The following GEMIN4 variants were observed in gnomAD, a reference collection of about 807,000 sequenced individuals.
The protein encoded by GEMIN4 is gem-associated protein 4.
A neutral mutation model predicts 76.8 loss-of-function variants in GEMIN4; 59 were observed. That is an observed-to-expected ratio of 0.77 (90% CI 0.62 to 0.95). GEMIN4 has a LOEUF of 0.95. GEMIN4 is among the 40% of genes least tolerant of loss of function. The probability of loss-of-function intolerance (pLI) is 0.00; values close to 1 mark genes in which losing one functional copy is unlikely to be tolerated. For missense variants in GEMIN4, 1,311 were observed against 1,318.9 expected, an observed-to-expected ratio of 0.99 and a Z score of 0.09; for synonymous variants, 562 against 559.7, an observed-to-expected ratio of 1.00 and a Z score of -0.06.
Position 745,961 on chromosome 17 carries a change from CG to C in GEMIN4, c.2081del (p.Pro694ArgfsTer35). The C allele has an allele frequency of 6.2e-7, 1 of 1,612,890 alleles. No individual in the cohort carries two copies. The highest frequency in any genetic ancestry group is 8.5e-7 in the Non-Finnish European group (1 of 1,179,824). The stretch of plus-strand genomic sequence containing the variant: ...GGCACAAGCTGAAGAGGAGTGGAAA[CG>C]GGGAGCAGGTCTGGAGCCAGTATTC... ...REEYWLQTCS[P>X]FPLLFSLCQL... On this transcript the variant is annotated frameshift_variant, in exon 2 of 2. Coordinates refer to ENST00000319004, the MANE Select transcript of GEMIN4 (RefSeq NM_015721.3). LOFTEE classifies it high-confidence loss of function. This position sits in a 1 kb window ranked among gnomAD's most constrained non-coding sequence, Gnocchi z 4.6.
chr17:752,185 C>T lies in GEMIN4; in HGVS notation c.-43G>A. 8.1e-7 allele frequency: 1 copy of T among 1,233,550 alleles called. No homozygotes were observed. Among genetic ancestry groups the T allele is most frequent in the East Asian group, 3.2e-5 (1 of 31,660 alleles). The allele number at this position is 1,233,550 out of a possible 1,614,324, so 76.4% of individuals were successfully genotyped here. ...CTGCGCGGGGCTAACGCCCCCTCCC[C>T]TCCGAGAACTCGAACGCGGCGCGGG... On this transcript the variant is annotated 5_prime_UTR_variant, in exon 1 of 2. Coordinates refer to ENST00000319004, the MANE Select transcript of GEMIN4 (RefSeq NM_015721.3).
chr17:749,015 G>A (rs111678918), intron 1 of GEMIN4: 17 of 76,056 alleles, frequency 2.2e-4, no homozygotes, highest in East Asian at 4.8e-4. Context: ...GCAATCACAC[G>A]GCCACAGGGT....
intron 1 of GEMIN4, among the ~76,000 whole-genome samples, chr17:750,839 G>C (rs1432222235): frequency 2.0e-5 from 3 of 152,216 alleles, no homozygotes; most frequent in African/African-American, 7.2e-5. Flanking sequence ...ATCTCACAGT[G>C]GCTGAGACCG....
chr17:747,231 G>A lies in GEMIN4; in HGVS notation c.812C>T (p.Thr271Met), dbSNP rs377598346. 1.4e-5 allele frequency: 23 copies of A among 1,613,838 alleles called. No homozygotes were observed. Among genetic ancestry groups the A allele is most frequent in the African/African-American group, 1.2e-4 (9 of 75,036 alleles). The change falls in exon 2 of 2, where the codon ACG (threonine) becomes ATG (methionine). Residue 271 changes from threonine (T) to methionine (M), a missense_variant. Coordinates refer to ENST00000319004, the MANE Select transcript of GEMIN4 (RefSeq NM_015721.3). The part of the protein sequence containing the change: ...SATVYLDKLA[T>M]VISVWNSDTQ... ...GTCCGAGTTCCACACAGAGATCACC[G>A]TGGCCAGTTTGTCCAGATACACGGT... is the stretch of plus-strand genomic sequence containing the variant.
At position 746,597 on chromosome 17, in the gene GEMIN4, C is replaced by A. The variant is rs754888791; in HGVS notation, c.1446G>T (p.Leu482=). ...PESQIRQVIH[L]ILECYADLSL... ...AGAGGTCTGCGTAACATTCCAGGAT[C>A]AGGTGGATCACCTGCCGGATCTGAG... The change falls in exon 2 of 2, where the codon CTG becomes CTT. Residue 482 remains leucine (L), a synonymous_variant. Transcript: ENST00000319004. The surrounding 1 kb of genome is among the most constrained non-coding windows in gnomAD (Gnocchi z 4.3). 1 of 1,613,624 alleles carries A rather than the reference C, an allele frequency of 6.2e-7. No individual in the cohort carries two copies. Among genetic ancestry groups the A allele is most frequent in the East Asian group, 2.2e-5 (1 of 44,878 alleles).
At chr17:753,514 C>T (rs1904863232), upstream of GEMIN4, 2 of 159,552 alleles carry the variant, frequency 1.3e-5, no homozygotes, top group South Asian at 2.7e-4. Flanking sequence ...GAGGGCTCCT[C>T]GGGAATGGAA....
chr17:752,408 C>G, upstream of GEMIN4: 2 of 699,480 alleles, frequency 2.9e-6, no homozygotes, highest in Non-Finnish European at 4.0e-6. Context: ...CTAGACCCCT[C>G]CGCACCGTCC....
intron 1 of GEMIN4, chr17:749,260 G>C (rs1223361391): frequency 1.2e-5 from 2 of 164,850 alleles, no homozygotes; most frequent in Non-Finnish European, 2.3e-5. Flanking sequence ...ACAGGGTAAT[G>C]GGCACAGCAG....
Position 746,809 on chromosome 17 carries a change from G to C in GEMIN4, c.1234C>G (p.Gln412Glu), listed in dbSNP as rs368229247. The C allele has an allele frequency of 2.5e-6, 4 of 1,613,852 alleles. No homozygotes were observed. Among genetic ancestry groups the C allele is most frequent in the Non-Finnish European group, 3.4e-6 (4 of 1,179,864 alleles). ...ITASIAMAVIQQKMDRHMEVC... is the reference protein window; with the variant it reads ...ITASIAMAVIEQKMDRHMEVC... ...TCCATATGGCGGTCCATCTTCTGCT[G>C]GATGACGGCCATGGCAATGGAAGCT... The change falls in exon 2 of 2, where the codon CAG (glutamine) becomes GAG (glutamate). Residue 412 changes from glutamine to glutamate, a missense_variant. By Grantham distance (29) the Gln-to-Glu change is conservative. Coordinates refer to ENST00000319004, the MANE Select transcript of GEMIN4 (RefSeq NM_015721.3). The surrounding 1 kb of genome is among the most constrained non-coding windows in gnomAD (Gnocchi z 4.3).
At chr17:748,342 T>G in intron 1 of GEMIN4, 1 of 313,732 alleles carries the variant, frequency 3.2e-6, no homozygotes, top group Non-Finnish European at 5.9e-6. Flanking sequence ...AAGGTACAGA[T>G]GTCCTCCAGC....
In GEMIN4 at chr17:746,794, G is replaced by C. The variant is rs370614163; in HGVS notation, c.1249C>G (p.Arg417Gly). ...AMAVIQQKMDRHMEVCYIFAS... is the reference protein window; with the variant it reads ...AMAVIQQKMDGHMEVCYIFAS... ...AAAATGTAGCACACTTCCATATGGC[G>C]GTCCATCTTCTGCTGGATGACGGCC... The change falls in exon 2 of 2, where the codon CGC becomes GGC. Residue 417 changes from arginine (R) to glycine (G), a missense_variant. Physicochemically the swap from Arg to Gly is moderately radical, Grantham distance 125. Around this residue, in one of 2 missense-constraint regions of GEMIN4, gnomAD observed 1,208 missense variants for 1,166.9 expected, o/e 1.04. Transcript: ENST00000319004. The surrounding 1 kb of genome is among the most constrained non-coding windows in gnomAD (Gnocchi z 4.3). The C allele has an allele frequency of 6.2e-7, 1 of 1,613,730 alleles. No individual in the cohort carries two copies. Among genetic ancestry groups the C allele is most frequent in the Non-Finnish European group, 8.5e-7 (1 of 1,179,796 alleles).
Position 745,761 on chromosome 17 carries a change from C to A in GEMIN4, c.2282G>T (p.Arg761Leu), listed in dbSNP as rs753091395. The change falls in exon 2 of 2, where the codon CGC becomes CTC. Residue 761 changes from arginine to leucine, a missense_variant. By Grantham distance (102) the Arg-to-Leu change is moderately radical. Around this residue, in one of 2 missense-constraint regions of GEMIN4, gnomAD observed 1,208 missense variants for 1,166.9 expected, o/e 1.04. Transcript: ENST00000319004. This position sits in a 1 kb window ranked among gnomAD's most constrained non-coding sequence, Gnocchi z 4.6. The stretch of plus-strand genomic sequence containing the variant: ...AGTCCAGTCTAGCTGTTCTAACTTG[C>A]GGTGGAGCCAGGACAGGGACTTGAT... Reference protein sequence around the residue: ...VWIKSLSWLHRKLEQLDWTVG... With the variant: ...VWIKSLSWLHLKLEQLDWTVG... 22 of 1,610,254 alleles carry A rather than the reference C, an allele frequency of 1.4e-5. No homozygotes were observed. The highest frequency in any genetic ancestry group is 1.9e-5 in the Non-Finnish European group (22 of 1,178,272).
chr17:747,483 T>C lies in GEMIN4; in HGVS notation c.560A>G (p.His187Arg), dbSNP rs1021264279. The C allele has an allele frequency of 6.2e-7, 1 of 1,613,842 alleles. No individual in the cohort carries two copies. The highest frequency in any genetic ancestry group is 8.5e-7 in the Non-Finnish European group (1 of 1,179,810). Reference protein sequence around the residue: ...PLLSQFSAMAHKYLPALDEFP... With the variant: ...PLLSQFSAMARKYLPALDEFP... ...CTCATCTAAGGCAGGCAGGTACTTA[T>C]GGGCCATTGCACTAAACTGGGAGAG... The change falls in exon 2 of 2, where the codon CAT becomes CGT. Residue 187 changes from histidine to arginine, a missense_variant. His to Arg is a conservative substitution (Grantham distance 29). This residue lies in a region of GEMIN4 where 1,208 missense variants were observed against 1,166.9 expected (regional missense o/e 1.04). Transcript: ENST00000319004.
Position 744,985 on chromosome 17 carries a change from G to C in GEMIN4, c.3058C>G (p.Pro1020Ala). 1 of 1,613,942 alleles carries C rather than the reference G, an allele frequency of 6.2e-7. No individual in the cohort carries two copies. The highest frequency in any genetic ancestry group is 8.5e-7 in the Non-Finnish European group (1 of 1,179,882). ...TCYETLSKTN[P>A]SVSSLLQRAH... ...CTCTGGAGCAAGGAGCTGACAGAAG[G>C]GTTGGTCTTGCTCAAAGTCTCATAG... Residue 1020 changes from proline to alanine, a missense_variant, in exon 2 of 2, where the codon CCT (proline) becomes GCT (alanine). Around this residue, in one of 2 missense-constraint regions of GEMIN4, gnomAD observed 1,208 missense variants for 1,166.9 expected, o/e 1.04. Coordinates refer to ENST00000319004, the MANE Select transcript of GEMIN4 (RefSeq NM_015721.3).
Position 744,491 on chromosome 17 carries a change from C to T in GEMIN4, c.*375G>A. ...CAACTTTGGGCTTATTTGCCAAAAT[C>T]TAGGATGGAAAAGTCCAGTTATGAA... On this transcript the variant is annotated 3_prime_UTR_variant, in exon 2 of 2. Transcript: ENST00000319004. The T allele has an allele frequency of 5.6e-6, 1 of 179,208 alleles. No individual in the cohort carries two copies. Among genetic ancestry groups the T allele is most frequent in the Admixed American group, 5.7e-5 (1 of 17,532 alleles). The allele number at this position is 179,208 out of a possible 1,614,324, so 11.1% of individuals were successfully genotyped here. A position where few individuals can be genotyped will look rare whatever the true frequency, so the allele number is the denominator to read the frequency against.
rs1904316811 is a variant in GEMIN4, at chr17:747,425, G to C, written c.618C>G (p.Asp206Glu). ...FPHPPKRLRS[D>E]PDACPTMPLL... ...GGGGCATGGTGGGGCACGCGTCTGG[G>C]TCTGACCTAAGCCTCTTTGGAGGAT... Residue 206 changes from aspartate to glutamate, a missense_variant, in exon 2 of 2, where the codon GAC becomes GAG. Physicochemically the swap from Asp to Glu is conservative, Grantham distance 45. Transcript: ENST00000319004. 6.2e-7 allele frequency: 1 copy of C among 1,613,760 alleles called. No individual in the cohort carries two copies. The highest frequency in any genetic ancestry group is 8.5e-7 in the Non-Finnish European group (1 of 1,179,876).
intron 1 of GEMIN4, chr17:748,885 T>TAATGGGCACAGAGCAATCACACGGCC: frequency 1.0e-5 from 1 of 95,840 alleles, no homozygotes; most frequent in Non-Finnish European, 1.9e-5. Flanking sequence ...ATCACACGGC[T>TAATGGGCACAGAGCAATCACACGGCC]ACAGGATAAT....
upstream of GEMIN4, chr17:754,287 T>TA (rs1904892293): frequency 6.6e-6 from 1 of 152,166 alleles, no homozygotes; most frequent in Admixed American, 6.6e-5. Context: ...AGGAGCCTCA[T>TA]ACACAACCAT....
chr17:749,982 T>C (rs755140276), intron 1 of GEMIN4: 12 of 985,154 alleles, frequency 1.2e-5, no homozygotes, highest in Non-Finnish European at 8.4e-6. Flanking sequence ...GAACTAACGA[T>C]TGACACAGAC....
Sources: gnomAD v4.1 joint callset for allele counts (sites outside exome capture counted in the v4.1 genomes callset) on GRCh38, gnomAD v4.1.1 for gene constraint, gnomAD v4.1.1 regional missense constraint, Gnocchi (gnomAD v3.1) non-coding constraint, MANE v1.5 for transcripts, NCBI Gene and HGNC (gene_info 2026-07-23, HGNC 2026-07-21) for gene names.